GALNT15: variants seen among roughly 807,000 people sequenced by gnomAD.
GALNT15 encodes polypeptide N-acetylgalactosaminyltransferase 15.
GALNT15 carries 67 observed loss-of-function variants against 66.8 expected under a neutral mutation model. The observed-to-expected ratio is 1.00, with a 90% CI of 0.82 to 1.23. The LOEUF (loss-of-function observed/expected upper bound fraction) is 1.23. Among genes scored for constraint, GALNT15 ranks in the 50% most tolerant of loss-of-function variants. GALNT15 has a pLI of 0.00. For synonymous variants in GALNT15, 313 were observed against 311.5 expected, an observed-to-expected ratio of 1.00 and a Z score of -0.05; for missense variants, 827 against 804.3, an observed-to-expected ratio of 1.03 and a Z score of -0.34.
chr3:16,204,593 C>T lies in GALNT15; in HGVS notation c.911+3770C>T. Among the ~76,000 whole-genome samples, 1 of 152,080 alleles carries T rather than the reference C, an allele frequency of 6.6e-6. No homozygotes were observed. Among genetic ancestry groups the T allele is most frequent in the East Asian group, 1.9e-4 (1 of 5,172 alleles). On this transcript the variant is annotated intron_variant, in intron 3 of 9. Coordinates refer to ENST00000339732, the MANE Select transcript of GALNT15 (RefSeq NM_054110.5). This position sits in a 1 kb window ranked among gnomAD's most constrained non-coding sequence, Gnocchi z 4.5. Reference sequence around the variant, plus strand: ...AGCTGACTTGTGTTGACTGCCAGCTCTCATACCCAAGCCAAGCAGTGGAAG... The same window carrying T: ...AGCTGACTTGTGTTGACTGCCAGCTTTCATACCCAAGCCAAGCAGTGGAAG...
In GALNT15 at chr3:16,175,069, G is replaced by A. The variant is rs565931760; in HGVS notation, c.-83G>A. The A allele has an allele frequency of 3.0e-5, 41 of 1,388,154 alleles. No homozygotes were observed. The Admixed American group carries it at 5.7e-4, about 19-fold the overall frequency. The allele number at this position is 1,388,154 out of a possible 1,614,324, so 86.0% of individuals were successfully genotyped here. A position where few individuals can be genotyped will look rare whatever the true frequency, so the allele number is the denominator to read the frequency against. ...CTTCCAGGTGGAACAAGCAACCCAGGTTCTGCTGCAAGCTTGAAGGAGCCT... is the reference window on the plus strand; with the variant it reads ...CTTCCAGGTGGAACAAGCAACCCAGATTCTGCTGCAAGCTTGAAGGAGCCT... On this transcript the variant is annotated 5_prime_UTR_variant, in exon 1 of 10. Transcript: ENST00000339732. The surrounding 1 kb of genome is among the most constrained non-coding windows in gnomAD (Gnocchi z 5.6).
At position 16,224,497 on chromosome 3, in the gene GALNT15, G is replaced by A. The variant is rs571068606; in HGVS notation, c.1773+1739G>A. On this transcript the variant is annotated intron_variant, in intron 9 of 9. Coordinates refer to ENST00000339732, the MANE Select transcript of GALNT15 (RefSeq NM_054110.5). The surrounding 1 kb of genome is among the most constrained non-coding windows in gnomAD (Gnocchi z 5.2). ...ACAGAAAGTAAAATAGTGGTTACCA[G>A]AGGCAGGCAGAGGAGGAGAAAAAGG... Among the ~76,000 whole-genome samples the A allele has an allele frequency of 4.6e-5, 7 of 152,260 alleles. No homozygotes were observed. The highest frequency in any genetic ancestry group is 1.7e-4 in the African/African-American group (7 of 41,552).
chr3:16,212,539 T>G (rs2063827694), intron 5 of GALNT15, 30 bp from the exon 6 acceptor site: 32 of 1,595,652 alleles, frequency 2.0e-5, no homozygotes, highest in African/African-American at 6.7e-5. Context: ...GGTGGAATGC[T>G]GAGGTGTTTA....
At chr3:16,215,630 G>T (rs1314992486) in intron 6 of GALNT15, among the ~76,000 whole-genome samples, 1 of 152,096 alleles carries the variant, frequency 6.6e-6, no homozygotes, top group African/African-American at 2.4e-5. Flanking sequence ...GAAGGTGCTC[G>T]GCTGGGCACA....
downstream of GALNT15, among the ~76,000 whole-genome samples, chr3:16,231,450 G>C (rs182352331): frequency 6.6e-6 from 1 of 152,190 alleles, no homozygotes; most frequent in East Asian, 1.9e-4. The surrounding 1 kb of genome is among the most constrained non-coding windows in gnomAD (Gnocchi z 4.1). Flanking sequence ...ATCTTTGCTG[G>C]AGTAGTAGTT....
chr3:16,208,882 T>A (rs796829666), intron 4 of GALNT15, among the ~76,000 whole-genome samples: 67 of 152,364 alleles, frequency 4.4e-4, no homozygotes, highest in African/African-American at 1.5e-3. Context: ...TGAACTAATA[T>A]GTGAAAAGCA....
chr3:16,229,186 C>G lies in GALNT15; in HGVS notation c.*1686C>G, dbSNP rs1033785782. On this transcript the variant is annotated 3_prime_UTR_variant, in exon 10 of 10. Coordinates refer to ENST00000339732, the MANE Select transcript of GALNT15 (RefSeq NM_054110.5). The stretch of plus-strand genomic sequence containing the variant: ...GGAAGTGCAGTGTTTCCAAACAATA[C>G]CTATCATAACTACGTATTCATTGTC... 1.0e-6 allele frequency: 1 copy of G among 985,152 alleles called. No homozygotes were observed. Among genetic ancestry groups the G allele is most frequent in the African/African-American group, 1.7e-5 (1 of 57,204 alleles). The allele number at this position is 985,152 out of a possible 1,614,324, so 61.0% of individuals were successfully genotyped here.
At chr3:16,198,633 G>C (rs2063665395) in intron 2 of GALNT15, among the ~76,000 whole-genome samples, 1 of 142,846 alleles carries the variant, frequency 7.0e-6, no homozygotes, top group South Asian at 2.2e-4. Flanking sequence ...TCCTCTCTAG[G>C]GAGTGGACCA....
At chr3:16,197,472 C>T (rs913965934) in intron 2 of GALNT15, among the ~76,000 whole-genome samples, 2 of 152,172 alleles carry the variant, frequency 1.3e-5, no homozygotes, top group African/African-American at 2.4e-5. Context: ...ACCCAGATCC[C>T]AGACAAGCAC....
rs747546650 is a variant in GALNT15 at position 16,195,752 on chromosome 3, C to G, written c.540-8C>G. On this transcript the variant is annotated splice_region_variant and splice_polypyrimidine_tract_variant and intron_variant, in intron 1 of 9. Transcript: ENST00000339732. The surrounding 1 kb of genome is among the most constrained non-coding windows in gnomAD (Gnocchi z 4.6). The stretch of plus-strand genomic sequence containing the variant: ...TTCCCCATGGCTCTCTGGCTCTCTT[C>G]CCTGCAGGTGTCTGCAGCAGCACCC... 1.2e-6 allele frequency: 2 copies of G among 1,605,722 alleles called. No individual in the cohort carries two copies. The highest frequency in any genetic ancestry group is 2.2e-5 in the South Asian group (2 of 90,544).
intron 2 of GALNT15, among the ~76,000 whole-genome samples, chr3:16,197,303 C>G (rs913863214): frequency 2.6e-5 from 4 of 152,208 alleles, no homozygotes; most frequent in African/African-American, 9.7e-5. Context: ...TAAGCTGCCC[C>G]CTCCTGGCCA....
At chr3:16,210,210 C>G (rs1300272698) in intron 4 of GALNT15, among the ~76,000 whole-genome samples, 4 of 152,142 alleles carry the variant, frequency 2.6e-5, no homozygotes, top group Non-Finnish European at 1.5e-5. Context: ...TATTTTATCC[C>G]CAATTAGAGG....
intron 1 of GALNT15, among the ~76,000 whole-genome samples, chr3:16,179,022 G>A (rs746460651): frequency 6.6e-6 from 1 of 152,198 alleles, no homozygotes; most frequent in Non-Finnish European, 1.5e-5. Context: ...AGTACCTTTA[G>A]AGTCATTTCT....
Position 16,225,923 on chromosome 3 carries a change from C to T in GALNT15, c.1774-1431C>T, listed in dbSNP as rs35918282. Among the ~76,000 whole-genome samples, 78,614 of 151,258 alleles carry T rather than the reference C, an allele frequency of 0.52. 21,597 individuals carry two copies. The highest frequency in any genetic ancestry group is 0.81 in the East Asian group (4,119 of 5,106). ...AATTAGCTGGGCATGGTGTCACATG[C>T]CTGTAATCCCAGCTACACGGGAGGC... On this transcript the variant is annotated intron_variant, in intron 9 of 9. Coordinates refer to ENST00000339732, the MANE Select transcript of GALNT15 (RefSeq NM_054110.5). This position sits in a 1 kb window ranked among gnomAD's most constrained non-coding sequence, Gnocchi z 4.4.
chr3:16,179,826 A>G (rs1277063755), intron 1 of GALNT15, among the ~76,000 whole-genome samples: 1 of 152,188 alleles, frequency 6.6e-6, no homozygotes, highest in Non-Finnish European at 1.5e-5. Context: ...GAGGCAAAAT[A>G]GAGAAGAGCC....
chr3:16,223,037 A>G (rs2063964110), intron 9 of GALNT15, among the ~76,000 whole-genome samples: 1 of 152,098 alleles, frequency 6.6e-6, no homozygotes, highest in East Asian at 1.9e-4. Flanking sequence ...TTTGAAGTTT[A>G]TTGGCTCAGT....
Position 16,195,618 on chromosome 3 carries a change from TA to T in GALNT15, c.540-141del. 1 of 594,668 alleles carries T rather than the reference TA, an allele frequency of 1.7e-6. No homozygotes were observed. Among genetic ancestry groups the T allele is most frequent in the Non-Finnish European group, 2.8e-6 (1 of 352,832 alleles). 36.8% of individuals were successfully genotyped at this position (594,668 alleles called of 1,614,324 possible). A position where few individuals can be genotyped will look rare whatever the true frequency, so the allele number is the denominator to read the frequency against. On this transcript the variant is annotated intron_variant, in intron 1 of 9. Transcript: ENST00000339732. The surrounding 1 kb of genome is among the most constrained non-coding windows in gnomAD (Gnocchi z 4.6). ...ACTATGAGGCGTAACAGGTTCTTTT[TA>T]TATGGGAATTTTAAGAGATCCCATA...
chr3:16,239,126 C>T, the GALNT15 span, among the ~76,000 whole-genome samples: 1 of 152,118 alleles, frequency 6.6e-6, no homozygotes, highest in African/African-American at 2.4e-5. This position sits in a 1 kb window ranked among gnomAD's most constrained non-coding sequence, Gnocchi z 5.2. Context: ...AGCAAGTTCT[C>T]CTCATTAATA....
At chr3:16,217,052 C>T (rs1428827975) in intron 6 of GALNT15, among the ~76,000 whole-genome samples, 1 of 152,168 alleles carries the variant, frequency 6.6e-6, no homozygotes. Context: ...CCTCTCCTGC[C>T]CTGCTTATGT....
Sources: allele counts gnomAD v4.1 joint callset (sites outside exome capture counted in the v4.1 genomes callset), GRCh38; gene constraint gnomAD v4.1.1; non-coding constraint Gnocchi (gnomAD v3.1); transcripts MANE v1.5; gene names NCBI Gene and HGNC (gene_info 2026-07-23, HGNC 2026-07-21).